CSNK1A1: variants seen among roughly 807,000 people sequenced by gnomAD.
CSNK1A1 encodes the protein casein kinase I isoform alpha.
CSNK1A1 carries 7 observed loss-of-function variants against 46.1 expected under a neutral mutation model. The ratio of observed to expected loss-of-function variants is 0.15; its 90% confidence interval spans 0.09 to 0.29. CSNK1A1 has a LOEUF of 0.29. Among genes scored for constraint, CSNK1A1 ranks in the 10% least tolerant of loss-of-function variants. The pLI is 1.00. For missense variants in CSNK1A1, 96 were observed against 417.1 expected, an observed-to-expected ratio of 0.23 and a Z score of 6.71; for synonymous variants, 137 against 141.5, an observed-to-expected ratio of 0.97 and a Z score of 0.23.
At chr5:149,500,320 G>T (rs1486077318) in intron 9 of CSNK1A1, among the ~76,000 whole-genome samples, 1 of 151,808 alleles carries the variant, frequency 6.6e-6, no homozygotes, top group African/African-American at 2.4e-5. Flanking sequence ...TGTATTTTTA[G>T]TACAGACGGG....
At chr5:149,508,054 C>T (rs542469934) in intron 7 of CSNK1A1, among the ~76,000 whole-genome samples, 41 of 152,286 alleles carry the variant, frequency 2.7e-4, no homozygotes, top group Admixed American at 2.7e-3. Context: ...TCTATATCTC[C>T]TCTCCTAGAG....
At chr5:149,507,390 C>A (rs927491052) in intron 7 of CSNK1A1, among the ~76,000 whole-genome samples, 2 of 151,914 alleles carry the variant, frequency 1.3e-5, no homozygotes, top group African/African-American at 2.4e-5. Flanking sequence ...CTATACAGTA[C>A]TATGTTCTTA....
At chr5:149,528,427 T>C (rs1489094128) in intron 2 of CSNK1A1, among the ~76,000 whole-genome samples, 1 of 152,202 alleles carries the variant, frequency 6.6e-6, no homozygotes. Context: ...AAGGAATATA[T>C]AGCTTAATTC....
intron 9 of CSNK1A1, chr5:149,501,091 C>A: frequency 2.0e-6 from 2 of 985,378 alleles, no homozygotes; most frequent in Non-Finnish European, 2.4e-6. Context: ...ACGCTGTATT[C>A]TTCTAGGTCT....
chr5:149,507,181 T>C, intron 7 of CSNK1A1, 48 bp from the exon 8 acceptor site: 4 of 1,412,506 alleles, frequency 2.8e-6, no homozygotes, highest in South Asian at 2.5e-5. Context: ...CATTTCAAGA[T>C]AGAAAAATAA....
At chr5:149,509,440 A>G (rs1002728638) in intron 7 of CSNK1A1, among the ~76,000 whole-genome samples, 1 of 151,996 alleles carries the variant, frequency 6.6e-6, no homozygotes, top group African/African-American at 2.4e-5. Flanking sequence ...GCAGTGGCAC[A>G]ATCTCAGATC....
At chr5:149,549,029 A>G (rs1762573086) in intron 2 of CSNK1A1, among the ~76,000 whole-genome samples, 1 of 152,198 alleles carries the variant, frequency 6.6e-6, no homozygotes, top group Non-Finnish European at 1.5e-5. Context: ...CCTCCAAAGT[A>G]AAGTTAACCA....
At chr5:149,545,815 C>G (rs1041005119) in intron 2 of CSNK1A1, 1 of 465,792 alleles carries the variant, frequency 2.1e-6, no homozygotes. Context: ...TACCTTAAGC[C>G]GCGGCTCTCC....
intron 4 of CSNK1A1, among the ~76,000 whole-genome samples, chr5:149,513,521 A>G (rs1292082217): frequency 6.6e-6 from 1 of 152,222 alleles, no homozygotes; most frequent in Non-Finnish European, 1.5e-5. Context: ...TTGACAGCAG[A>G]AGCAACAAGT....
At chr5:149,510,904 C>G (rs1761202206) in intron 6 of CSNK1A1, among the ~76,000 whole-genome samples, 1 of 152,140 alleles carries the variant, frequency 6.6e-6, no homozygotes, top group African/African-American at 2.4e-5. Context: ...CAATATTTTT[C>G]TAAACTAAAA....
chr5:149,544,495 T>C (rs1255168243), intron 2 of CSNK1A1, among the ~76,000 whole-genome samples: 1 of 83,238 alleles, frequency 1.2e-5, no homozygotes, highest in African/African-American at 6.8e-5. Context: ...AGAGCCCATC[T>C]ATATAAAAAA....
At chr5:149,501,813 T>G in intron 9 of CSNK1A1, 5 of 978,436 alleles carry the variant, frequency 5.1e-6, no homozygotes, top group Non-Finnish European at 6.1e-6. Flanking sequence ...CTTTACTTAT[T>G]TTTAATATCT....
At chr5:149,536,365 TC>T (rs1178679550) in intron 2 of CSNK1A1, among the ~76,000 whole-genome samples, 1 of 152,120 alleles carries the variant, frequency 6.6e-6, no homozygotes, top group Non-Finnish European at 1.5e-5. Context: ...AGGGAACACT[TC>T]CCCCTACTTT....
chr5:149,504,070 AT>A lies in CSNK1A1; in HGVS notation c.1006+1376del, dbSNP rs1760954193. 3 of 985,450 alleles carry A rather than the reference AT, an allele frequency of 3.0e-6. No homozygotes were observed. In the South Asian group the frequency reaches 1.4e-4, roughly 46 times the overall value. 61.0% of individuals were successfully genotyped at this position (985,450 alleles called of 1,614,324 possible). On this transcript the variant is annotated intron_variant, in intron 9 of 9. Transcript: ENST00000377843. ...AACACATTATGAACTTCTTGGCACT[AT>A]GATTAGTTATACGATGATTAAAACA...
chr5:149,540,169 G>A (rs1391395298), intron 2 of CSNK1A1, among the ~76,000 whole-genome samples: 1 of 152,010 alleles, frequency 6.6e-6, no homozygotes, highest in Non-Finnish European at 1.5e-5. Context: ...TTGGGCTTTC[G>A]AAAACCCTTT....
intron 9 of CSNK1A1, chr5:149,505,131 A>T: frequency 1.9e-6 from 2 of 1,027,366 alleles, no homozygotes; most frequent in Non-Finnish European, 2.3e-6. Flanking sequence ...TCCCAACACC[A>T]AATTTTTGGA....
chr5:149,550,737 G>C lies in CSNK1A1; in HGVS notation c.123+105C>G. On this transcript the variant is annotated intron_variant, in intron 1 of 9. Coordinates refer to ENST00000377843, the MANE Select transcript of CSNK1A1 (RefSeq NM_001892.6). This position sits in a 1 kb window ranked among gnomAD's most constrained non-coding sequence, Gnocchi z 4.3. ...ACTAGCTCCCTGGACTCCCTGGCGA[G>C]TGCGTGCGATGAGGAGAGGCCCGAG... is the stretch of plus-strand genomic sequence containing the variant. 1 of 1,502,130 alleles carries C rather than the reference G, an allele frequency of 6.7e-7. No homozygotes were observed. Among genetic ancestry groups the C allele is most frequent in the South Asian group, 1.2e-5 (1 of 81,850 alleles). The allele number at this position is 1,502,130 out of a possible 1,614,324, so 93.1% of individuals were successfully genotyped here.
chr5:149,498,418 C>T, intron 9 of CSNK1A1: 3 of 985,292 alleles, frequency 3.0e-6, no homozygotes, highest in Non-Finnish European at 3.6e-6. Flanking sequence ...GTAAACCTTT[C>T]TTTTAAAGGT....
intron 2 of CSNK1A1, among the ~76,000 whole-genome samples, chr5:149,533,965 T>A (rs2113152548): frequency 6.6e-6 from 1 of 152,332 alleles, no homozygotes. Context: ...GGGTTCAAGA[T>A]TTATTTTTGG....
Sources: allele counts gnomAD v4.1 joint callset (sites outside exome capture counted in the v4.1 genomes callset), GRCh38; gene constraint gnomAD v4.1.1; non-coding constraint Gnocchi (gnomAD v3.1); transcripts MANE v1.5; gene names NCBI Gene and HGNC (gene_info 2026-07-23, HGNC 2026-07-21).